The following CD180 variants were observed in gnomAD, a reference collection of about 807,000 sequenced individuals.
The protein encoded by CD180 is CD180 antigen.
In CD180, 11 loss-of-function variants were observed where a neutral mutation model predicts 10.7. That is an observed-to-expected ratio of 1.03 (90% CI 0.65 to 1.70). The LOEUF (loss-of-function observed/expected upper bound fraction) is 1.70, where lower values mean the gene tolerates loss of function less well. Among genes scored for constraint, CD180 ranks in the 40% most tolerant of loss-of-function variants. The probability of loss-of-function intolerance (pLI) is 0.00; values close to 1 mark genes in which losing one functional copy is unlikely to be tolerated. For synonymous variants in CD180, 286 were observed against 294.6 expected (o/e 0.97, Z 0.30); for missense variants, 729 against 775.2 (o/e 0.94, Z 0.71).
At chr5:67,184,924 TAG>T (rs1742154686) in intron 2 of CD180, among the ~76,000 whole-genome samples, 1 of 152,072 alleles carries the variant, frequency 6.6e-6, no homozygotes. Flanking sequence ...GAATGCATAA[TAG>T]ATAATATATG....
At chr5:67,189,525 T>C (rs1018795104) in intron 1 of CD180, among the ~76,000 whole-genome samples, 2 of 152,188 alleles carry the variant, frequency 1.3e-5, no homozygotes, top group Non-Finnish European at 2.9e-5. Flanking sequence ...GCCTTTGATT[T>C]CTAGGAGAAA....
rs373636517 is a variant in CD180, at chr5:67,184,589, G to C, written c.258-4C>G. Reference sequence around the variant, plus strand: ...ATGTATCCAGTTAATCTGGCACCTTGAAAAGATAATCGTATTTAACAATAA... The same window carrying C: ...ATGTATCCAGTTAATCTGGCACCTTCAAAAGATAATCGTATTTAACAATAA... On this transcript the variant is annotated splice_region_variant and splice_polypyrimidine_tract_variant and intron_variant, in intron 2 of 2. Transcript: ENST00000256447. The C allele has an allele frequency of 5.2e-4, 811 of 1,573,132 alleles. No homozygotes were observed. The highest frequency in any genetic ancestry group is 6.8e-4 in the Non-Finnish European group (788 of 1,153,432).
intron 1 of CD180, chr5:67,190,809 C>T (rs921609360): frequency 1.4e-5 from 6 of 426,050 alleles, no homozygotes; most frequent in Non-Finnish European, 1.9e-5. Context: ...CTCAATCAGG[C>T]TCTTATTTTC....
chr5:67,191,686 A>C (rs1742307607), intron 1 of CD180, among the ~76,000 whole-genome samples: 1 of 152,202 alleles, frequency 6.6e-6, no homozygotes, highest in Non-Finnish European at 1.5e-5. Flanking sequence ...CAAAGACTTG[A>C]TACGGGTCCT....
At chr5:67,185,525 A>G (rs991027730) in intron 2 of CD180, among the ~76,000 whole-genome samples, 13 of 152,196 alleles carry the variant, frequency 8.5e-5, no homozygotes, top group Non-Finnish European at 1.3e-4. Context: ...TAATTACCCA[A>G]AAATAAACTA....
chr5:67,194,970 A>G (rs188719315), intron 1 of CD180, among the ~76,000 whole-genome samples: 19 of 152,284 alleles, frequency 1.2e-4, no homozygotes, highest in Non-Finnish European at 2.1e-4. Flanking sequence ...TCCTTAAAAG[A>G]TGAGGACATT....
intron 1 of CD180, among the ~76,000 whole-genome samples, chr5:67,192,745 A>G (rs961066438): frequency 2.0e-5 from 3 of 152,124 alleles, no homozygotes; most frequent in African/African-American, 7.2e-5. Context: ...TTAAAATACA[A>G]CATGAGATCT....
intron 1 of CD180, among the ~76,000 whole-genome samples, chr5:67,186,848 C>CTGTG (rs56004314): frequency 0.3 from 43,742 of 146,638 alleles, 6,829 homozygotes; most frequent in Non-Finnish European, 0.38. Context: ...TTTGTTCTAT[C>CTGTG]TGTGTGTGTG....
At chr5:67,192,106 T>TG (rs1472452865) in intron 1 of CD180, among the ~76,000 whole-genome samples, 1 of 152,038 alleles carries the variant, frequency 6.6e-6, no homozygotes, top group African/African-American at 2.4e-5. Flanking sequence ...TTAAGAACTT[T>TG]GGGGCCGGGC....
rs947596236 is a variant in CD180 at position 67,181,750 on chromosome 5, T to A, written c.*1107A>T. The A allele has an allele frequency of 6.6e-6, 1 of 152,158 alleles. No individual in the cohort carries two copies. The highest frequency in any genetic ancestry group is 6.6e-5 in the Admixed American group (1 of 15,266). The allele number at this position is 152,158 out of a possible 1,614,324, so 9.4% of individuals were successfully genotyped here. A position where few individuals can be genotyped will look rare whatever the true frequency, so the allele number is the denominator to read the frequency against. On this transcript the variant is annotated 3_prime_UTR_variant, in exon 3 of 3. Coordinates refer to ENST00000256447, the MANE Select transcript of CD180 (RefSeq NM_005582.3). ...GGCCCTTTAAGCCTAAGTCATGACA[T>A]TGCTCTTTGTCTATCTGCATTCAGT...
intron 1 of CD180, chr5:67,190,790 T>C (rs1742290103): frequency 3.2e-6 from 1 of 312,704 alleles, no homozygotes; most frequent in African/African-American, 2.3e-5. Context: ...AGGTATTCAT[T>C]TGCATTTTCT....
In CD180 at chr5:67,184,716, A is replaced by G. The variant is rs989749970; in HGVS notation, c.258-131T>C. 1.2e-5 allele frequency: 9 copies of G among 735,460 alleles called. No individual in the cohort carries two copies. The Admixed American group carries it at 2.4e-4, about 20-fold the overall frequency. 45.6% of individuals were successfully genotyped at this position (735,460 alleles called of 1,614,324 possible). On this transcript the variant is annotated intron_variant, in intron 2 of 2. Coordinates refer to ENST00000256447, the MANE Select transcript of CD180 (RefSeq NM_005582.3). ...AATATAAGAACTTTCTTCAATATCA[A>G]CAGATGGCCTATTGAAGGAATTAAT...
intron 1 of CD180, among the ~76,000 whole-genome samples, chr5:67,191,811 G>A (rs953379255): frequency 3.3e-5 from 5 of 152,104 alleles, no homozygotes; most frequent in Admixed American, 2.0e-4. Context: ...GTAGCCTGTA[G>A]GTGTTCACTG....
In CD180 at chr5:67,184,327, T is replaced by C. The variant is rs1405712047; in HGVS notation, c.516A>G (p.Ala172=). ...SSIKFPKDFP[A]RNLKVLDFQN... is the part of the protein sequence containing the mutation. ...GAAAATCCAGTACTTTCAGATTCCG[T>C]GCTGGGAAGTCTTTGGGGAACTTAA... The change falls in exon 3 of 3, where the codon GCA becomes GCG. Residue 172 remains alanine (A), a synonymous_variant. Transcript: ENST00000256447. 3 of 1,614,198 alleles carry C rather than the reference T, an allele frequency of 1.9e-6. No individual in the cohort carries two copies. The highest frequency in any genetic ancestry group is 2.5e-6 in the Non-Finnish European group (3 of 1,180,038).
At chr5:67,187,273 T>C (rs976534738) in intron 1 of CD180, among the ~76,000 whole-genome samples, 1 of 152,210 alleles carries the variant, frequency 6.6e-6, no homozygotes, top group Non-Finnish European at 1.5e-5. Context: ...GATTGTCGAA[T>C]ATTGAGATTC....
rs373145754 is a variant in CD180, at chr5:67,183,807, A to G, written c.1036T>C (p.Ser346Pro). 9.1e-5 allele frequency: 147 copies of G among 1,614,180 alleles called. No individual in the cohort carries two copies. The highest frequency in any genetic ancestry group is 3.0e-4 in the Admixed American group (18 of 60,032). Residue 346 changes from serine (S) to proline (P), a missense_variant, in exon 3 of 3, where the codon TCC (serine) becomes CCC (proline). Coordinates refer to ENST00000256447, the MANE Select transcript of CD180 (RefSeq NM_005582.3). Reference protein sequence around the residue: ...LCQISAANFPSLTHLYIRGNV... With the variant: ...LCQISAANFPPLTHLYIRGNV... ...CCTCTGATGTAGAGGTGTGTAAGGG[A>G]GGGGAAATTGGCAGCACTGATTTGA...
At chr5:67,192,516 G>A (rs556863292) in intron 1 of CD180, among the ~76,000 whole-genome samples, 68 of 152,314 alleles carry the variant, frequency 4.5e-4, no homozygotes, top group Admixed American at 7.8e-4. Context: ...CTTGGCTTCT[G>A]GGGAGGACTT....
rs1294682995 is a variant in CD180 at position 67,183,841 on chromosome 5, A to G, written c.1002T>C (p.Asp334=). The G allele has an allele frequency of 6.2e-7, 1 of 1,614,100 alleles. No individual in the cohort carries two copies. The highest frequency in any genetic ancestry group is 1.3e-5 in the African/African-American group (1 of 74,932). The change falls in exon 3 of 3, where the codon GAT becomes GAC. Residue 334 remains aspartate (D), a synonymous_variant. Coordinates refer to ENST00000256447, the MANE Select transcript of CD180 (RefSeq NM_005582.3). ...TGGCAGCACTGATTTGACACAATTG[A>G]TCGAAATGATTTACACTGAGAACTA... ...KKLVLSVNHF[D]QLCQISAANF... is the part of the protein sequence containing the mutation.
intron 1 of CD180, among the ~76,000 whole-genome samples, chr5:67,189,920 A>G (rs892709476): frequency 1.3e-5 from 2 of 152,234 alleles, no homozygotes; most frequent in Non-Finnish European, 2.9e-5. Flanking sequence ...AATTCAAGAT[A>G]TTTAATATTG....
Sources: gnomAD v4.1 joint callset for allele counts (sites outside exome capture counted in the v4.1 genomes callset) on GRCh38, gnomAD v4.1.1 for gene constraint, MANE v1.5 for transcripts, NCBI Gene and HGNC (gene_info 2026-07-23, HGNC 2026-07-21) for gene names.